The following MTA3 variants were observed in gnomAD, a reference collection of about 807,000 sequenced individuals.
MTA3 encodes metastasis-associated protein MTA3.
A neutral mutation model predicts 83.5 loss-of-function variants in MTA3; 34 were observed. That is an observed-to-expected ratio of 0.41 (90% CI 0.31 to 0.54). The LOEUF (loss-of-function observed/expected upper bound fraction) is 0.54, where lower values mean the gene tolerates loss of function less well. Ranked by LOEUF, MTA3 falls within the 20% of genes least tolerant of loss-of-function variation. MTA3 has a pLI of 0.33. For synonymous variants in MTA3, 303 were observed against 252.7 expected (o/e 1.20, Z -1.89); for missense variants, 761 against 726.4 (o/e 1.05, Z -0.55).
chr2:42,664,648 A>C (rs1351989480), intron 8 of MTA3, among the ~76,000 whole-genome samples: 1 of 151,866 alleles, frequency 6.6e-6, no homozygotes, highest in African/African-American at 2.4e-5. Context: ...CTGCCGACTA[A>C]TTACGGTCCT....
intron 16 of MTA3, among the ~76,000 whole-genome samples, chr2:42,741,382 T>C (rs1669013938): frequency 6.6e-6 from 1 of 152,236 alleles, no homozygotes; most frequent in Non-Finnish European, 1.5e-5. Flanking sequence ...TTCAAGAACT[T>C]TTCCAAGTTG....
At chr2:42,675,869 A>G (rs1399619885) in intron 8 of MTA3, among the ~76,000 whole-genome samples, 5 of 152,220 alleles carry the variant, frequency 3.3e-5, no homozygotes, top group Non-Finnish European at 7.3e-5. Context: ...GTCCATTCAA[A>G]AGAAACTTCT....
At chr2:42,596,352 A>G (rs1681789594) in intron 3 of MTA3, among the ~76,000 whole-genome samples, 1 of 152,230 alleles carries the variant, frequency 6.6e-6, no homozygotes, top group African/African-American at 2.4e-5. Context: ...TGGAGTTGGC[A>G]TAAAATCTAT....
At chr2:42,710,567 A>AG (rs1242420672) in intron 14 of MTA3, among the ~76,000 whole-genome samples, 1 of 151,288 alleles carries the variant, frequency 6.6e-6, no homozygotes. Flanking sequence ...AAAAAAAAAA[A>AG]AAAAAAAGAA....
intron 2 of MTA3, among the ~76,000 whole-genome samples, chr2:42,561,702 G>GT (rs1677683001): frequency 1.8e-5 from 1 of 57,070 alleles, no homozygotes; most frequent in Admixed American, 1.9e-4. Context: ...TAAACATGTT[G>GT]ACTGTTTCAA....
intron 2 of MTA3, among the ~76,000 whole-genome samples, chr2:42,560,581 AAAAC>A (rs1381740055): frequency 5.3e-5 from 8 of 151,062 alleles, no homozygotes; most frequent in Admixed American, 2.6e-4. Flanking sequence ...AACAAAACAA[AAAAC>A]AAACAAAACA....
At chr2:42,745,344 A>G (rs1164030032) in intron 16 of MTA3, among the ~76,000 whole-genome samples, 1 of 152,186 alleles carries the variant, frequency 6.6e-6, no homozygotes, top group Non-Finnish European at 1.5e-5. Flanking sequence ...AGCAAGACCA[A>G]GAGTAAGTGT....
chr2:42,524,046 C>T (rs965731243), intron 2 of MTA3, among the ~76,000 whole-genome samples: 14 of 152,126 alleles, frequency 9.2e-5, no homozygotes, highest in Non-Finnish European at 1.9e-4. Context: ...ATTGCCTCTC[C>T]AGAAACAGAG....
Position 42,756,635 on chromosome 2 carries a change from G to A in MTA3, c.*3236G>A, listed in dbSNP as rs1483005162. On this transcript the variant is annotated 3_prime_UTR_variant, in exon 17 of 17. Coordinates refer to ENST00000405094, the MANE Select transcript of MTA3 (RefSeq NM_001330442.2). ...AGAGGAAACGGCTTTGGGGAGGGAG[G>A]GGGAAGCCTTTATTCTTTACTGTTG... The A allele has an allele frequency of 2.0e-6, 2 of 985,394 alleles. No individual in the cohort carries two copies. The highest frequency in any genetic ancestry group is 1.2e-6 in the Non-Finnish European group (1 of 830,014). The allele number at this position is 985,394 out of a possible 1,614,324, so 61.0% of individuals were successfully genotyped here.
intron 2 of MTA3, among the ~76,000 whole-genome samples, chr2:42,548,772 C>T (rs748630111): frequency 1.4e-4 from 17 of 122,802 alleles, no homozygotes; most frequent in Non-Finnish European, 2.3e-4. Flanking sequence ...CATGGCACTG[C>T]AGCCTGGGTG....
At position 42,659,499 on chromosome 2, in the gene MTA3, T is replaced by G. The variant is rs1689470373; in HGVS notation, c.603-264T>G. 2.2e-5 allele frequency: 4 copies of G among 181,782 alleles called. 1 individual carries two copies. The East Asian group carries it at 5.0e-4, about 23-fold the overall frequency. The allele number at this position is 181,782 out of a possible 1,614,324, so 11.3% of individuals were successfully genotyped here. ...GACATGTTATAACAGAGCTTCCCTTTCCTTCTTTTTTACCCCCTGCACAGG... is the reference window on the plus strand; with the variant it reads ...GACATGTTATAACAGAGCTTCCCTTGCCTTCTTTTTTACCCCCTGCACAGG... On this transcript the variant is annotated intron_variant, in intron 7 of 16. Coordinates refer to ENST00000405094, the MANE Select transcript of MTA3 (RefSeq NM_001330442.2).
chr2:42,605,367 C>T (rs1452121286), intron 3 of MTA3, among the ~76,000 whole-genome samples: 2 of 28,066 alleles, frequency 7.1e-5, no homozygotes, highest in Admixed American at 3.3e-4. Context: ...ACCTCCCGGA[C>T]GGGGCGGCTG....
At chr2:42,617,108 T>C (rs1194460791) in intron 4 of MTA3, among the ~76,000 whole-genome samples, 1 of 152,178 alleles carries the variant, frequency 6.6e-6, no homozygotes, top group African/African-American at 2.4e-5. Context: ...GAGAAAGGGA[T>C]AAATAGGAAA....
At chr2:42,677,991 A>C (rs1488494905) in intron 8 of MTA3, among the ~76,000 whole-genome samples, 1 of 152,216 alleles carries the variant, frequency 6.6e-6, no homozygotes, top group Non-Finnish European at 1.5e-5. Context: ...TACATACTAC[A>C]TTGTATGTAC....
intron 2 of MTA3, among the ~76,000 whole-genome samples, chr2:42,508,863 T>C (rs1050650393): frequency 2.5e-4 from 36 of 143,552 alleles, no homozygotes; most frequent in Non-Finnish European, 4.0e-4. Context: ...ATTAAATATA[T>C]TATATAATAT....
intron 3 of MTA3, among the ~76,000 whole-genome samples, chr2:42,608,231 A>AT (rs1164787948): frequency 6.6e-6 from 1 of 152,216 alleles, no homozygotes; most frequent in African/African-American, 2.4e-5. Flanking sequence ...AATTTGTCAA[A>AT]TCCTAATTAG....
chr2:42,624,270 TATTA>T (rs982182064), intron 4 of MTA3, among the ~76,000 whole-genome samples: 3 of 152,116 alleles, frequency 2.0e-5, no homozygotes, highest in African/African-American at 7.2e-5. Flanking sequence ...TTTGGATTTT[TATTA>T]ATTTTCATTT....
Position 42,586,982 on chromosome 2 carries a change from C to G in MTA3, c.190+7782C>G, listed in dbSNP as rs111758315. ...AGGTTGCAGTGAGCTGAGATCGTGC[C>G]ACTGCACTCCAGCCTGGTGACAGAG... On this transcript the variant is annotated intron_variant, in intron 3 of 16. Transcript: ENST00000405094. 1.0e-2 allele frequency among the ~76,000 whole-genome samples: 1,519 copies of G among 152,234 alleles called. 31 individuals carry two copies. The highest frequency in any genetic ancestry group is 0.035 in the African/African-American group (1,442 of 41,536).
chr2:42,570,607 C>A, intron 2 of MTA3, 103 bp downstream of exon 2: 1 of 590,150 alleles, frequency 1.7e-6, no homozygotes, highest in Non-Finnish European at 2.7e-6. Context: ...TGCCTGCAAT[C>A]CCAGTAAATT....
Sources: gnomAD v4.1 joint callset for allele counts (sites outside exome capture counted in the v4.1 genomes callset) on GRCh38, gnomAD v4.1.1 for gene constraint, MANE v1.5 for transcripts, NCBI Gene and HGNC (gene_info 2026-07-23, HGNC 2026-07-21) for gene names.